NAGA: variants seen among roughly 807,000 people sequenced by gnomAD.
The protein encoded by NAGA is alpha-N-acetylgalactosaminidase.
A neutral mutation model predicts 45.6 loss-of-function variants in NAGA; 42 were observed. That is an observed-to-expected ratio of 0.92 (90% CI 0.72 to 1.19). The LOEUF (loss-of-function observed/expected upper bound fraction) is 1.19. Among genes scored for constraint, NAGA ranks in the 50% most tolerant of loss-of-function variants. The probability of loss-of-function intolerance (pLI) is 0.00; values close to 1 mark genes in which losing one functional copy is unlikely to be tolerated. For missense variants in NAGA, 493 were observed against 544.8 expected (o/e 0.90, Z 0.95); for synonymous variants, 176 against 203.1 (o/e 0.87, Z 1.13).
In NAGA at chr22:42,070,270, C is replaced by A. The variant is rs745831241; in HGVS notation, c.16+12G>T. ...CCCTACCCTTCCAAGCCACCCCAGC[C>A]GGTGTAGGTACCTGTCTTCAGCAGC... On this transcript the variant is annotated intron_variant, in intron 1 of 8. Transcript: ENST00000396398. The A allele has an allele frequency of 6.2e-7, 1 of 1,614,244 alleles. No homozygotes were observed.
At chr22:42,066,086 G>A (rs567050781) in intron 5 of NAGA, among the ~76,000 whole-genome samples, 187 bp from the exon 6 acceptor site, 1 of 152,270 alleles carries the variant, frequency 6.6e-6, no homozygotes, top group Non-Finnish European at 1.5e-5. Flanking sequence ...GGCTACCGGG[G>A]TCTCCCTTCT....
At chr22:42,066,661 G>A (rs765657298) in intron 5 of NAGA, 49 bp downstream of exon 5, 15 of 1,514,328 alleles carry the variant, frequency 9.9e-6, no homozygotes, top group Non-Finnish European at 1.3e-5. Flanking sequence ...AGGAGGTAAG[G>A]AGGCCTGGGT....
rs1927005567 is a variant in NAGA, at chr22:42,070,759, C to T, written c.-462G>A. ...AGAGCCCCCTCCCACCGCACTTATC[C>T]TACCGAAGCGTTCAGACCTGCCGCC... On this transcript the variant is annotated 5_prime_UTR_variant, in exon 1 of 9. Transcript: ENST00000396398. 3.6e-6 allele frequency: 1 copy of T among 279,130 alleles called. No individual in the cohort carries two copies. The highest frequency in any genetic ancestry group is 3.6e-5 in the South Asian group (1 of 27,490). The allele number at this position is 279,130 out of a possible 1,614,324, so 17.3% of individuals were successfully genotyped here. A position where few individuals can be genotyped will look rare whatever the true frequency, so the allele number is the denominator to read the frequency against.
At chr22:42,062,361 G>T (rs1414344987) in intron 7 of NAGA, among the ~76,000 whole-genome samples, 1 of 152,156 alleles carries the variant, frequency 6.6e-6, no homozygotes, top group East Asian at 1.9e-4. Flanking sequence ...AGCTACTCAG[G>T]AGGCTGAGGC....
At chr22:42,067,363 G>A (rs1926803865) in intron 3 of NAGA, 73 bp from the exon 4 acceptor site, 6 of 1,572,314 alleles carry the variant, frequency 3.8e-6, no homozygotes, top group South Asian at 1.1e-5. Flanking sequence ...ATCTGACCCC[G>A]TCCCATTAAA....
chr22:42,067,238 G>T lies in NAGA; in HGVS notation c.377C>A (p.Thr126Asn). 1 of 1,614,170 alleles carries T rather than the reference G, an allele frequency of 6.2e-7. No individual in the cohort carries two copies. Among genetic ancestry groups the T allele is most frequent in the Non-Finnish European group, 8.5e-7 (1 of 1,180,020 alleles). ...TGTGGTGCCTGGGTAACCCATGCAG[G>T]TGAAGTTGCCCATGTCCGCGTAGAT... Reference protein sequence around the residue: ...LGIYADMGNFTCMGYPGTTLD... With the variant: ...LGIYADMGNFNCMGYPGTTLD... The change falls in exon 4 of 9, where the codon ACC becomes AAC. Residue 126 changes from threonine (T) to asparagine (N), a missense_variant. By Grantham distance (65) the Thr-to-Asn change is moderately conservative. Transcript: ENST00000396398.
chr22:42,070,202 C>T (rs374148575), intron 1 of NAGA, 80 bp downstream of exon 1: 2 of 1,491,048 alleles, frequency 1.3e-6, no homozygotes, highest in South Asian at 2.3e-5. Flanking sequence ...TCCACATACC[C>T]ACATTAGGGA....
intron 6 of NAGA, among the ~76,000 whole-genome samples, chr22:42,064,649 A>G (rs1456403015): frequency 6.6e-6 from 1 of 152,140 alleles, no homozygotes; most frequent in Non-Finnish European, 1.5e-5. Context: ...TGTCTCAAAA[A>G]ATAAATAAAT....
At chr22:42,068,611 T>A (rs1347810644) in intron 1 of NAGA, 37 bp from the exon 2 acceptor site, 1 of 1,612,482 alleles carries the variant, frequency 6.2e-7, no homozygotes, top group Non-Finnish European at 8.5e-7. Flanking sequence ...TGACTATCAG[T>A]TGCCCCCACA....
chr22:42,061,150 G>C, intron 7 of NAGA, 83 bp from the exon 8 acceptor site: 1 of 1,534,808 alleles, frequency 6.5e-7, no homozygotes, highest in Non-Finnish European at 8.8e-7. Flanking sequence ...CCTGAGTTCT[G>C]GGTCCCCCAG....
In NAGA at chr22:42,060,104, G is replaced by T; in HGVS notation, c.*175C>A. On this transcript the variant is annotated 3_prime_UTR_variant, in exon 9 of 9. Coordinates refer to ENST00000396398, the MANE Select transcript of NAGA (RefSeq NM_000262.3). ...TGCCCCAAAAGAAGTTTCCAAGAGG[G>T]TTTACGCTTGGACAGGGCATAGAAC... 1.2e-6 allele frequency: 1 copy of T among 817,168 alleles called. No homozygotes were observed. The highest frequency in any genetic ancestry group is 1.6e-5 in the South Asian group (1 of 64,364). 50.6% of individuals were successfully genotyped at this position (817,168 alleles called of 1,614,324 possible). A position where few individuals can be genotyped will look rare whatever the true frequency, so the allele number is the denominator to read the frequency against.
At chr22:42,066,923 C>T in intron 4 of NAGA, 119 bp from the exon 5 acceptor site, 1 of 1,373,534 alleles carries the variant, frequency 7.3e-7, no homozygotes, top group Non-Finnish European at 1.0e-6. Context: ...GGTGCCTCCC[C>T]ACATACCCAG....
chr22:42,066,197 G>A (rs1274092014), intron 5 of NAGA, among the ~76,000 whole-genome samples: 1 of 150,570 alleles, frequency 6.6e-6, no homozygotes, highest in Non-Finnish European at 1.5e-5. Flanking sequence ...AACCCTCCCT[G>A]ACACCCACCC....
chr22:42,070,163 T>C, intron 1 of NAGA, 119 bp downstream of exon 1: 1 of 1,183,950 alleles, frequency 8.4e-7, no homozygotes, highest in South Asian at 1.2e-5. Context: ...CCTGCCCAGC[T>C]CTAAGTAAAA....
At chr22:42,060,890 C>T in intron 8 of NAGA, 34 bp downstream of exon 8, 1 of 1,613,890 alleles carries the variant, frequency 6.2e-7, no homozygotes, top group Non-Finnish European at 8.5e-7. Flanking sequence ...AATCTGAAGC[C>T]CAGGCGGGTG....
intron 3 of NAGA, 22 bp downstream of exon 3, chr22:42,067,743 G>A (rs1473444720): frequency 1.0e-5 from 16 of 1,607,862 alleles, no homozygotes; most frequent in Non-Finnish European, 1.4e-5. Context: ...GAGGCCAAGG[G>A]CAGGGCTGGG....
At chr22:42,070,065 G>T (rs1192971386) in intron 1 of NAGA, among the ~76,000 whole-genome samples, 1 of 152,244 alleles carries the variant, frequency 6.6e-6, no homozygotes, top group Non-Finnish European at 1.5e-5. Flanking sequence ...ATCAGTTAGG[G>T]CCTCTGTGCT....
At position 42,059,753 on chromosome 22, in the gene NAGA, A is replaced by G. The variant is rs994996751; in HGVS notation, c.*526T>C. The stretch of plus-strand genomic sequence containing the variant: ...CTAACTAAAGGTACCCCAGGTCCAT[A>G]TTACAACTACTTGATTAAAGAACAG... On this transcript the variant is annotated 3_prime_UTR_variant, in exon 9 of 9. Coordinates refer to ENST00000396398, the MANE Select transcript of NAGA (RefSeq NM_000262.3). 1 of 170,456 alleles carries G rather than the reference A, an allele frequency of 5.9e-6. No homozygotes were observed. Among genetic ancestry groups the G allele is most frequent in the African/African-American group, 2.4e-5 (1 of 41,978 alleles). 10.6% of individuals were successfully genotyped at this position (170,456 alleles called of 1,614,324 possible). A position where few individuals can be genotyped will look rare whatever the true frequency, so the allele number is the denominator to read the frequency against.
chr22:42,069,057 A>G lies in NAGA; in HGVS notation c.17-483T>C, dbSNP rs1926905957. 2.6e-5 allele frequency among the ~76,000 whole-genome samples: 4 copies of G among 152,278 alleles called. No homozygotes were observed. In the South Asian group the frequency reaches 6.2e-4, roughly 24 times the overall value. ...GTGGATCACTTGAGGTCAGGCCAAC[A>G]TGGTGAAACCTTGTCTCTACTAAAA... On this transcript the variant is annotated intron_variant, in intron 1 of 8. Coordinates refer to ENST00000396398, the MANE Select transcript of NAGA (RefSeq NM_000262.3).
Sources: allele counts gnomAD v4.1 joint callset (sites outside exome capture counted in the v4.1 genomes callset), GRCh38; gene constraint gnomAD v4.1.1; transcripts MANE v1.5; gene names NCBI Gene and HGNC (gene_info 2026-07-23, HGNC 2026-07-21).